The following TRMO variants were observed in gnomAD, a reference collection of about 807,000 sequenced individuals.
TRMO encodes tRNA (adenine(37)-N6)-methyltransferase.
TRMO carries 30 observed loss-of-function variants against 37.2 expected under a neutral mutation model. The observed-to-expected ratio is 0.81, with a 90% CI of 0.60 to 1.09. The LOEUF is 1.09. TRMO is among the 50% of genes least tolerant of loss of function. TRMO has a pLI of 0.00. For synonymous variants in TRMO, 239 were observed against 199.4 expected (o/e 1.20, Z -1.67); for missense variants, 552 against 549.5 (o/e 1.00, Z -0.05).
At chr9:97,905,207 A>C (rs1825809223) in intron 4 of TRMO, among the ~76,000 whole-genome samples, 1 of 152,210 alleles carries the variant, frequency 6.6e-6, no homozygotes. Context: ...GTTTTACTGG[A>C]CAGAAAAATC....
intron 4 of TRMO, among the ~76,000 whole-genome samples, chr9:97,906,274 C>T (rs1440735871): frequency 6.6e-6 from 1 of 152,174 alleles, no homozygotes; most frequent in Non-Finnish European, 1.5e-5. Context: ...TCCCCTGTGA[C>T]GGCGTTTCTG....
At chr9:97,898,678 G>A in the TRMO span, among the ~76,000 whole-genome samples, 11 of 151,788 alleles carry the variant, frequency 7.2e-5, no homozygotes, top group Non-Finnish European at 1.6e-4. Flanking sequence ...ATGAGCTGCC[G>A]TGCCCCACCA....
intron 1 of TRMO, among the ~76,000 whole-genome samples, chr9:97,920,807 C>A (rs1036396602): frequency 2.0e-5 from 3 of 152,216 alleles, no homozygotes; most frequent in Admixed American, 2.0e-4. Context: ...TCAAAATACT[C>A]TAGACGAATC....
downstream of TRMO, chr9:97,904,446 A>C: frequency 8.6e-7 from 1 of 1,161,852 alleles, no homozygotes; most frequent in Admixed American, 4.2e-5. Context: ...AATTTTATCA[A>C]GTGCACCAAG....
chr9:97,904,550 A>T lies in TRMO; in HGVS notation c.*183T>A. 2 of 1,415,502 alleles carry T rather than the reference A, an allele frequency of 1.4e-6. No homozygotes were observed. The highest frequency in any genetic ancestry group is 1.8e-6 in the Non-Finnish European group (2 of 1,088,654). The allele number at this position is 1,415,502 out of a possible 1,614,324, so 87.7% of individuals were successfully genotyped here. A position where few individuals can be genotyped will look rare whatever the true frequency, so the allele number is the denominator to read the frequency against. On this transcript the variant is annotated 3_prime_UTR_variant, in exon 5 of 5. Transcript: ENST00000375119. ...GCATTTGGTGATTTCTCTGTATTTTATATCTCTTTGTTAAGTTTATTAATG... is the reference window on the plus strand; with the variant it reads ...GCATTTGGTGATTTCTCTGTATTTTTTATCTCTTTGTTAAGTTTATTAATG...
rs1826206094 is a variant in TRMO at position 97,913,245 on chromosome 9, T to G, written c.409+156A>C. 2 of 838,758 alleles carry G rather than the reference T, an allele frequency of 2.4e-6. 1 individual carries two copies. The allele number at this position is 838,758 out of a possible 1,614,324, so 52.0% of individuals were successfully genotyped here. On this transcript the variant is annotated intron_variant, in intron 3 of 4. Coordinates refer to ENST00000375119, the MANE Select transcript of TRMO (RefSeq NM_016481.5). ...ATTTCAACATTTTTCAATGCTAACA[T>G]TCTTTTAATCATTGTATTTTCTTCA...
chr9:97,916,810 T>C (rs144577961), intron 1 of TRMO, among the ~76,000 whole-genome samples: 328 of 150,570 alleles, frequency 2.2e-3, no homozygotes, highest in African/African-American at 7.8e-3. Context: ...GGTTCAAGCA[T>C]TTCTCCTGCC....
chr9:97,922,412 A>C lies in TRMO; in HGVS notation c.76+6T>G. 1.9e-6 allele frequency: 3 copies of C among 1,567,548 alleles called. No individual in the cohort carries two copies. Among genetic ancestry groups the C allele is most frequent in the Non-Finnish European group, 2.6e-6 (3 of 1,152,592 alleles). ...AGAGTGTGGCACCGCCGGTGTTGGA[A>C]GTTACCTGTCTCCAGAGCCGGCTTA... On this transcript the variant is annotated splice_donor_region_variant and intron_variant, in intron 1 of 4. Coordinates refer to ENST00000375119, the MANE Select transcript of TRMO (RefSeq NM_016481.5).
At chr9:97,903,448 A>G (rs1057286292), downstream of TRMO, among the ~76,000 whole-genome samples, 2 of 152,232 alleles carry the variant, frequency 1.3e-5, no homozygotes, top group African/African-American at 4.8e-5. Context: ...GACTATTTCA[A>G]TCAGCTCATT....
intron 4 of TRMO, among the ~76,000 whole-genome samples, chr9:97,905,428 A>G (rs1338516803): frequency 6.6e-6 from 1 of 152,172 alleles, no homozygotes; most frequent in African/African-American, 2.4e-5. Context: ...AAACCCACAC[A>G]CACCCAGAAC....
chr9:97,913,487 C>G lies in TRMO; in HGVS notation c.323G>C (p.Gly108Ala). ...TGTGGAAAAAACTCCAGTCTTTGCA[C>G]CATTCAGCCTAGGAGGCTGCACTTT... ...KAKVQPPRLN[G>A]AKTGVFSTRS... The change falls in exon 3 of 5, where the codon GGT becomes GCT. Residue 108 changes from glycine (G) to alanine (A), a missense_variant. Coordinates refer to ENST00000375119, the MANE Select transcript of TRMO (RefSeq NM_016481.5). The G allele has an allele frequency of 1.9e-6, 3 of 1,614,044 alleles. No individual in the cohort carries two copies. Among genetic ancestry groups the G allele is most frequent in the Non-Finnish European group, 2.5e-6 (3 of 1,179,980 alleles).
In TRMO at chr9:97,918,107, G is replaced by A. The variant is rs150482491; in HGVS notation, c.77-1769C>T. Among the ~76,000 whole-genome samples, 843 of 151,408 alleles carry A rather than the reference G, an allele frequency of 5.6e-3. 2 individuals carry two copies. The highest frequency in any genetic ancestry group is 9.6e-3 in the Non-Finnish European group (654 of 67,882). On this transcript the variant is annotated intron_variant, in intron 1 of 4. Transcript: ENST00000375119. ...TCAATAATCACAAATTAGGCCAGGC[G>A]CGGTGGCTCACGCCTGTAATCCCAA...
intron 1 of TRMO, among the ~76,000 whole-genome samples, chr9:97,920,668 G>C (rs1421543427): frequency 6.6e-6 from 1 of 152,116 alleles, no homozygotes; most frequent in East Asian, 1.9e-4. Context: ...AATCAATGTG[G>C]GGTTTTTTGT....
chr9:97,902,890 A>C (rs1825714930), downstream of TRMO, among the ~76,000 whole-genome samples: 1 of 152,204 alleles, frequency 6.6e-6, no homozygotes, highest in Admixed American at 6.5e-5. Flanking sequence ...TTAAATGAAA[A>C]GCTGGGTGAA....
At chr9:97,916,701 C>A (rs1231665316) in intron 1 of TRMO, among the ~76,000 whole-genome samples, 1 of 127,218 alleles carries the variant, frequency 7.9e-6, no homozygotes, top group Non-Finnish European at 1.8e-5. Context: ...GAGCGTATTT[C>A]TTTCTTTTTT....
chr9:97,901,576 G>A (rs539311430), downstream of TRMO, among the ~76,000 whole-genome samples: 4 of 152,202 alleles, frequency 2.6e-5, no homozygotes, highest in Admixed American at 6.5e-5. Context: ...ACATGCGTGT[G>A]TGTACATGCA....
At chr9:97,920,845 A>T (rs1243845205) in intron 1 of TRMO, among the ~76,000 whole-genome samples, 2 of 152,206 alleles carry the variant, frequency 1.3e-5, no homozygotes, top group Non-Finnish European at 2.9e-5. Context: ...TTCTTGTGTT[A>T]TGCTAACTCT....
intron 2 of TRMO, among the ~76,000 whole-genome samples, chr9:97,914,812 G>C (rs1189262272): frequency 6.6e-6 from 1 of 151,526 alleles, no homozygotes; most frequent in African/African-American, 2.4e-5. Context: ...ATGTGTACTT[G>C]AAAAAGAAAA....
At chr9:97,902,011 G>A (rs1044953030), downstream of TRMO, among the ~76,000 whole-genome samples, 2 of 152,196 alleles carry the variant, frequency 1.3e-5, no homozygotes, top group Non-Finnish European at 2.9e-5. Context: ...TGAAGAAAAC[G>A]GGGGTGCTCA....
Sources: gnomAD v4.1 joint callset for allele counts (sites outside exome capture counted in the v4.1 genomes callset) on GRCh38, gnomAD v4.1.1 for gene constraint, MANE v1.5 for transcripts, NCBI Gene and HGNC (gene_info 2026-07-23, HGNC 2026-07-21) for gene names.